The following ADGRL2 variants were observed in gnomAD, a reference collection of about 807,000 sequenced individuals.
ADGRL2 encodes the protein calcium-independent alpha-latrotoxin receptor 2.
In ADGRL2, 44 loss-of-function variants were observed where a neutral mutation model predicts 157.4. That is an observed-to-expected ratio of 0.28 (90% CI 0.22 to 0.36). The LOEUF (loss-of-function observed/expected upper bound fraction) is 0.36. Ranked by LOEUF, ADGRL2 falls within the 10% of genes least tolerant of loss-of-function variation. ADGRL2 has a pLI of 1.00. For missense variants in ADGRL2, 1,510 were observed against 1,768.9 expected (o/e 0.85, Z 2.63); for synonymous variants, 585 against 624.7 (o/e 0.94, Z 0.95).
chr1:81,950,534 C>A, intron 7 of ADGRL2, 52 bp downstream of exon 7: 1 of 1,479,682 alleles, frequency 6.8e-7, no homozygotes, highest in Non-Finnish European at 9.2e-7. Flanking sequence ...TAAGTAGGTT[C>A]TGTATTACAG....
intron 1 of ADGRL2, among the ~76,000 whole-genome samples, chr1:81,710,779 G>A (rs72718857): frequency 0.018 from 2,692 of 148,900 alleles, 42 homozygotes; most frequent in South Asian, 0.052. Flanking sequence ...TGCAAAAAAA[G>A]GAAGAATATT....
intron 2 of ADGRL2, among the ~76,000 whole-genome samples, chr1:81,489,082 A>T (rs570647176): frequency 6.6e-6 from 1 of 152,058 alleles, no homozygotes; most frequent in Non-Finnish European, 1.5e-5. Flanking sequence ...TACTAAAAAT[A>T]CAAAAATTAG....
chr1:81,768,328 A>T (rs918898854), intron 2 of ADGRL2, among the ~76,000 whole-genome samples: 2 of 152,162 alleles, frequency 1.3e-5, no homozygotes, highest in Admixed American at 6.5e-5. Context: ...GGTGTGAGCT[A>T]CTGCACCTAG....
rs185575456 is a variant in ADGRL2 at position 81,764,970 on chromosome 1, T to G, written c.-101+3118T>G. Among the ~76,000 whole-genome samples the G allele has an allele frequency of 5.9e-5, 9 of 152,194 alleles. 1 individual carries two copies. The East Asian group carries it at 1.2e-3, about 20-fold the overall frequency. On this transcript the variant is annotated intron_variant, in intron 2 of 20. Coordinates refer to the ADGRL2 transcript ENST00000359929. ...CATAAGTGAAAGTCTCATCCATATTTCGTTGAAAGTCTTTTCCAAATTGTA... is the reference window on the plus strand; with the variant it reads ...CATAAGTGAAAGTCTCATCCATATTGCGTTGAAAGTCTTTTCCAAATTGTA...
chr1:81,675,573 T>G lies in ADGRL2; in HGVS notation c.-142-86238T>G, dbSNP rs536757486. Among the ~76,000 whole-genome samples the G allele has an allele frequency of 1.0e-3, 42 of 40,316 alleles. 1 individual carries two copies. In the South Asian group the frequency reaches 0.021, roughly 20 times the overall value. The allele number at this position is 40,316 out of a possible 152,430, so 26.4% of individuals were successfully genotyped here. ...GTCCAGGCATTGGAAAAATAAACTG[T>G]TTTTTTTTTTTTTTCTTATTTTATT... On this transcript the variant is annotated intron_variant, in intron 3 of 24. Transcript: ENST00000370721.
intron 1 of ADGRL2, among the ~76,000 whole-genome samples, chr1:81,823,706 G>C (rs989808148): frequency 2.6e-5 from 4 of 152,000 alleles, no homozygotes; most frequent in African/African-American, 9.7e-5. Context: ...ACAGTCAAGT[G>C]ATGGACCCAA....
chr1:81,557,501 G>GAA (rs753962043), intron 2 of ADGRL2: 2 of 41,938 alleles, frequency 4.8e-5, no homozygotes, highest in Non-Finnish European at 9.7e-5. Flanking sequence ...AAGAAAGAAA[G>GAA]AAAGAAAGAA....
intron 2 of ADGRL2, among the ~76,000 whole-genome samples, chr1:81,479,971 T>G (rs2078351888): frequency 6.6e-6 from 1 of 152,216 alleles, no homozygotes; most frequent in Non-Finnish European, 1.5e-5. Flanking sequence ...TCTAATATAG[T>G]TTTCATGAAA....
At chr1:81,394,556 G>C (rs1382695727) in intron 1 of ADGRL2, among the ~76,000 whole-genome samples, 3 of 152,080 alleles carry the variant, frequency 2.0e-5, no homozygotes, top group African/African-American at 7.2e-5. Context: ...TCTGTTGTAT[G>C]GTTGAATATT....
rs570712848 is a variant in ADGRL2 at position 81,378,122 on chromosome 1, C to T, written c.-301-66914C>T. ...TGAACCCAGGAGGCAGAGGTTGCAG[C>T]GAGCCGAGATCGTGCCACTGCACTC... On this transcript the variant is annotated intron_variant, in intron 1 of 24. Coordinates refer to the ADGRL2 transcript ENST00000370721. 6.8e-4 allele frequency among the ~76,000 whole-genome samples: 103 copies of T among 151,482 alleles called. 2 individuals are homozygous for T. In the South Asian group the frequency reaches 0.018, roughly 26 times the overall value.
chr1:81,767,129 C>T lies in ADGRL2; in HGVS notation c.-101+5277C>T, dbSNP rs138785180. On this transcript the variant is annotated intron_variant, in intron 2 of 20. Coordinates refer to the ADGRL2 transcript ENST00000359929. ...GTTGTATTTATCTATGACTCTTCTA[C>T]TCAACATTAAGATCTTGAGTTTCAA... Among the ~76,000 whole-genome samples the T allele has an allele frequency of 1.2e-3, 188 of 152,216 alleles. 1 individual carries two copies. Among genetic ancestry groups the T allele is most frequent in the African/African-American group, 4.4e-3 (182 of 41,540 alleles).
At chr1:81,501,392 C>T (rs2078843115) in intron 2 of ADGRL2, among the ~76,000 whole-genome samples, 1 of 152,192 alleles carries the variant, frequency 6.6e-6, no homozygotes, top group Admixed American at 6.5e-5. Flanking sequence ...GGGTCATCTC[C>T]TATGTGTGTT....
intron 3 of ADGRL2, among the ~76,000 whole-genome samples, chr1:81,610,973 A>G (rs988047369): frequency 1.4e-4 from 21 of 152,226 alleles, no homozygotes; most frequent in African/African-American, 5.1e-4. Context: ...GATCATCAAC[A>G]TGTATATTAG....
At chr1:81,392,680 T>A (rs1422989499) in intron 1 of ADGRL2, among the ~76,000 whole-genome samples, 1 of 152,168 alleles carries the variant, frequency 6.6e-6, no homozygotes, top group African/African-American at 2.4e-5. Flanking sequence ...GGGAGATATG[T>A]GTTTGACTAT....
chr1:81,491,739 G>A (rs1310637710), intron 2 of ADGRL2, among the ~76,000 whole-genome samples: 1 of 152,176 alleles, frequency 6.6e-6, no homozygotes, highest in Non-Finnish European at 1.5e-5. Context: ...CAATTTCTAC[G>A]GTGGTGGGTG....
In ADGRL2 at chr1:81,719,291, T is replaced by A. The variant is rs558355765; in HGVS notation, c.-143+19483T>A. 1.1e-3 allele frequency among the ~76,000 whole-genome samples: 172 copies of A among 152,386 alleles called. 2 individuals are homozygous for A. Among genetic ancestry groups the A allele is most frequent in the Non-Finnish European group, 1.7e-3 (113 of 68,042 alleles). On this transcript the variant is annotated intron_variant, in intron 1 of 20. Coordinates refer to the ADGRL2 transcript ENST00000359929. ...CACCATCCGTTCCTCACAATCATTA[T>A]CTGCCAATACCCATGGCTTTCTTTG...
At chr1:81,461,809 G>T (rs542162856) in intron 2 of ADGRL2, among the ~76,000 whole-genome samples, 3 of 151,744 alleles carry the variant, frequency 2.0e-5, no homozygotes, top group East Asian at 3.9e-4. Flanking sequence ...GGGAAGGCAG[G>T]GAAAACTGTC....
chr1:81,455,583 A>C (rs1249073717), intron 2 of ADGRL2, among the ~76,000 whole-genome samples: 1 of 152,216 alleles, frequency 6.6e-6, no homozygotes, highest in Admixed American at 6.5e-5. Flanking sequence ...CCATAAAGGA[A>C]GAAGCCATGT....
chr1:81,415,588 C>T (rs558339529), intron 1 of ADGRL2, among the ~76,000 whole-genome samples: 40 of 152,260 alleles, frequency 2.6e-4, no homozygotes, highest in African/African-American at 8.4e-4. Flanking sequence ...GTTTGGACAG[C>T]TCGGTTCAAC....
Sources: allele counts gnomAD v4.1 joint callset (sites outside exome capture counted in the v4.1 genomes callset), GRCh38; gene constraint gnomAD v4.1.1; transcripts MANE v1.5; gene names NCBI Gene and HGNC (gene_info 2026-07-23, HGNC 2026-07-21).